The following CPQ variants were observed in gnomAD, a reference collection of about 807,000 sequenced individuals.
The protein encoded by CPQ is carboxypeptidase Q.
In CPQ, 37 loss-of-function variants were observed where a neutral mutation model predicts 45.7. The observed-to-expected ratio is 0.81, with a 90% CI of 0.62 to 1.07. CPQ has a LOEUF of 1.07. Among genes scored for constraint, CPQ ranks in the 50% least tolerant of loss-of-function variants. The probability of loss-of-function intolerance (pLI) is 0.00; values close to 1 mark genes in which losing one functional copy is unlikely to be tolerated. For missense variants in CPQ, 537 were observed against 572.9 expected, an observed-to-expected ratio of 0.94 and a Z score of 0.64; for synonymous variants, 186 against 205.8, an observed-to-expected ratio of 0.90 and a Z score of 0.82.
intron 5 of CPQ, among the ~76,000 whole-genome samples, chr8:97,006,495 C>T (rs966977724): frequency 6.6e-6 from 1 of 152,142 alleles, no homozygotes; most frequent in Non-Finnish European, 1.5e-5. Context: ...AAAACCTATG[C>T]AAATCACATT....
At chr8:97,060,061 G>A (rs2130519211) in intron 6 of CPQ, among the ~76,000 whole-genome samples, 1 of 152,168 alleles carries the variant, frequency 6.6e-6, no homozygotes, top group African/African-American at 2.4e-5. Context: ...GGTCTCATAA[G>A]TTATTTTTTC....
chr8:97,007,335 G>C (rs1006709026), intron 5 of CPQ, among the ~76,000 whole-genome samples: 4 of 152,138 alleles, frequency 2.6e-5, no homozygotes, highest in African/African-American at 7.2e-5. Context: ...GTCCTCCCAC[G>C]ATGCCCCTAG....
chr8:96,997,892 T>C (rs1263284293), intron 5 of CPQ, among the ~76,000 whole-genome samples: 1 of 152,022 alleles, frequency 6.6e-6, no homozygotes, highest in Admixed American at 6.6e-5. Flanking sequence ...GCATCCGAAT[T>C]TGTAAAGTGA....
At chr8:96,815,926 G>C (rs1246829894) in intron 2 of CPQ, among the ~76,000 whole-genome samples, 1 of 152,122 alleles carries the variant, frequency 6.6e-6, no homozygotes, top group Admixed American at 6.6e-5. Flanking sequence ...ACTGTCATCT[G>C]TGCCTTCAGC....
At chr8:97,063,897 C>T (rs113243913) in intron 6 of CPQ, among the ~76,000 whole-genome samples, 2,895 of 152,072 alleles carry the variant, frequency 0.019, 98 homozygotes, top group African/African-American at 0.067. Context: ...AGTTGGGTAA[C>T]GTGATGCCTC....
At chr8:96,773,555 G>T (rs901325606) in intron 1 of CPQ, among the ~76,000 whole-genome samples, 3 of 152,172 alleles carry the variant, frequency 2.0e-5, no homozygotes, top group Non-Finnish European at 4.4e-5. Flanking sequence ...TTCACAGACT[G>T]TTAAACAGCC....
At chr8:96,827,026 C>A (rs1018090457) in intron 2 of CPQ, among the ~76,000 whole-genome samples, 2 of 151,842 alleles carry the variant, frequency 1.3e-5, no homozygotes, top group African/African-American at 4.8e-5. Flanking sequence ...GAGACAATGC[C>A]AAATCTTGCA....
chr8:96,929,745 A>T (rs1389408548), intron 4 of CPQ, among the ~76,000 whole-genome samples: 1 of 152,198 alleles, frequency 6.6e-6, no homozygotes, highest in African/African-American at 2.4e-5. Context: ...CACCCAAATG[A>T]ATTCTACTCT....
At chr8:96,698,398 T>A (rs1809414267) in intron 1 of CPQ, among the ~76,000 whole-genome samples, 1 of 152,030 alleles carries the variant, frequency 6.6e-6, no homozygotes, top group Non-Finnish European at 1.5e-5. Flanking sequence ...GAAACTACTA[T>A]AAGAAAATAT....
intron 6 of CPQ, among the ~76,000 whole-genome samples, chr8:97,039,496 T>C (rs902228896): frequency 6.6e-6 from 1 of 151,984 alleles, no homozygotes; most frequent in Non-Finnish European, 1.5e-5. Context: ...TTATTATTAT[T>C]ATTATACTTT....
chr8:96,828,725 C>A (rs1356024787), intron 2 of CPQ, among the ~76,000 whole-genome samples: 1 of 152,036 alleles, frequency 6.6e-6, no homozygotes, highest in African/African-American at 2.4e-5. Context: ...AGGAAACACC[C>A]AGTGATTAGA....
At chr8:96,931,918 C>T (rs1476221877) in intron 4 of CPQ, among the ~76,000 whole-genome samples, 1 of 152,048 alleles carries the variant, frequency 6.6e-6, no homozygotes, top group African/African-American at 2.4e-5. Context: ...ACAGATCCCT[C>T]TGGACTATTT....
chr8:96,992,976 G>A (rs570022295), intron 5 of CPQ, among the ~76,000 whole-genome samples: 1 of 152,180 alleles, frequency 6.6e-6, no homozygotes, highest in Non-Finnish European at 1.5e-5. Context: ...ATTCAGACAG[G>A]AATTGAATGT....
At chr8:96,788,974 T>C (rs1250024790) in intron 2 of CPQ, among the ~76,000 whole-genome samples, 1 of 152,070 alleles carries the variant, frequency 6.6e-6, no homozygotes, top group Admixed American at 6.6e-5. Flanking sequence ...GAACTTCTCT[T>C]TGGTCTTTTT....
At chr8:96,939,094 C>G (rs1813091208) in intron 4 of CPQ, among the ~76,000 whole-genome samples, 1 of 152,124 alleles carries the variant, frequency 6.6e-6, no homozygotes, top group African/African-American at 2.4e-5. Context: ...TATGTACCAC[C>G]TATGTGAGTT....
At chr8:97,054,015 G>C (rs576648473) in intron 6 of CPQ, among the ~76,000 whole-genome samples, 4 of 152,240 alleles carry the variant, frequency 2.6e-5, no homozygotes, top group South Asian at 4.1e-4. Flanking sequence ...AGGGGGAAAA[G>C]GGGGAGATAA....
Position 96,806,032 on chromosome 8 carries a change from T to C in CPQ, c.433+20702T>C, listed in dbSNP as rs948760511. Among the ~76,000 whole-genome samples, 13 of 152,240 alleles carry C rather than the reference T, an allele frequency of 8.5e-5. No individual in the cohort carries two copies. The East Asian group carries it at 2.5e-3, about 29-fold the overall frequency. On this transcript the variant is annotated intron_variant, in intron 2 of 7. Transcript: ENST00000220763. Reference sequence around the variant, plus strand: ...GCCATTAGAGCCCTTTTAAGCAGAATACTGAAGTCTGGGGATGGAACCAAC... The same window carrying C: ...GCCATTAGAGCCCTTTTAAGCAGAACACTGAAGTCTGGGGATGGAACCAAC...
chr8:96,705,553 T>C (rs930843130), intron 1 of CPQ, among the ~76,000 whole-genome samples: 3 of 152,170 alleles, frequency 2.0e-5, no homozygotes, highest in African/African-American at 7.2e-5. Flanking sequence ...ATTCTGCATC[T>C]GTGGTTTCTT....
chr8:96,651,772 TG>T (rs1815579319), intron 1 of CPQ, among the ~76,000 whole-genome samples: 2 of 152,118 alleles, frequency 1.3e-5, no homozygotes, highest in African/African-American at 2.4e-5. Flanking sequence ...GGGATATATA[TG>T]GGGTATATGT....
Sources: allele counts gnomAD v4.1 joint callset (sites outside exome capture counted in the v4.1 genomes callset), GRCh38; gene constraint gnomAD v4.1.1; transcripts MANE v1.5; gene names NCBI Gene and HGNC (gene_info 2026-07-23, HGNC 2026-07-21).